The following LOC122455342 variants were observed in gnomAD, a reference collection of about 807,000 sequenced individuals.
At chr17:76,568,962 G>A in the LOC122455342 span, 281 of 625,630 alleles carry the variant, frequency 4.5e-4, 2 homozygotes, top group African/African-American at 4.5e-3. Context: ...CAGGCAGTAC[G>A]TTGGGGACCA....
At chr17:76,568,899 GC>G in the LOC122455342 span, 1 of 1,069,064 alleles carries the variant, frequency 9.4e-7, no homozygotes, top group Non-Finnish European at 1.4e-6. Context: ...GGTACCCTGA[GC>G]GGTAGGAGCG....
chr17:76,568,826 G>C, the LOC122455342 span: 1 of 1,609,170 alleles, frequency 6.2e-7, no homozygotes, highest in Non-Finnish European at 8.5e-7. Flanking sequence ...TGGACAGAGC[G>C]CCCAGAGCCG....
the LOC122455342 span, chr17:76,569,016 GGA>G: frequency 1.6e-5 from 7 of 435,844 alleles, no homozygotes; most frequent in South Asian, 1.0e-4. Flanking sequence ...GCGGGGTGTA[GGA>G]GAGAGAGGAG....
At chr17:76,569,195 T>C in the LOC122455342 span, 1 of 91,964 alleles carries the variant, frequency 1.1e-5, no homozygotes, top group Admixed American at 2.6e-4. Context: ...AGTGGTGCTG[T>C]GGGGGGCTGG....
At chr17:76,568,850 G>A in the LOC122455342 span, 10 of 1,575,210 alleles carry the variant, frequency 6.3e-6, no homozygotes, top group South Asian at 4.4e-5. Context: ...TATTGCAAGG[G>A]GGAGATGGAG....
the LOC122455342 span, chr17:76,568,841 A>T: frequency 1.3e-6 from 2 of 1,596,150 alleles, no homozygotes; most frequent in Non-Finnish European, 8.6e-7. Context: ...GAGCCGTCGT[A>T]TTGCAAGGGG....
chr17:76,568,877 C>G, the LOC122455342 span: 1 of 1,384,964 alleles, frequency 7.2e-7, no homozygotes, highest in Non-Finnish European at 1.0e-6. Context: ...GTCAGGGCGC[C>G]GGAGTAGCCG....
the LOC122455342 span, chr17:76,568,924 T>A: frequency 1.2e-6 from 1 of 805,778 alleles, no homozygotes; most frequent in Non-Finnish European, 2.0e-6. Context: ...CTGGGAGTAG[T>A]AGCGGGAGAA....
the LOC122455342 span, chr17:76,569,487 A>AT: frequency 2.1e-5 from 1 of 47,882 alleles, no homozygotes; most frequent in African/African-American, 1.2e-4. Context: ...GCTGTGAGGC[A>AT]TTTGGGGTGG....
the LOC122455342 span, chr17:76,568,918 G>A: frequency 1.2e-6 from 1 of 858,538 alleles, no homozygotes; most frequent in Non-Finnish European, 1.9e-6. Context: ...GCGGGGCTGG[G>A]AGTAGTAGCG....
chr17:76,569,324 G>A, the LOC122455342 span: 36 of 144,584 alleles, frequency 2.5e-4, no homozygotes, highest in African/African-American at 8.5e-4. Flanking sequence ...GACTTGGGGG[G>A]CACAGCGGGG....
the LOC122455342 span, chr17:76,569,282 A>G: frequency 8.3e-6 from 2 of 241,242 alleles, no homozygotes; most frequent in Non-Finnish European, 1.4e-5. Flanking sequence ...GGCCCGATAT[A>G]GGAAGATGAG....
chr17:76,568,935 G>C, the LOC122455342 span: 1 of 735,814 alleles, frequency 1.4e-6, no homozygotes. Flanking sequence ...AGCGGGAGAA[G>C]GGGGTGTAGA....
the LOC122455342 span, chr17:76,568,797 C>G: frequency 6.8e-6 from 11 of 1,612,900 alleles, no homozygotes; most frequent in Non-Finnish European, 7.6e-6. Flanking sequence ...GGCGTGCGGC[C>G]TAGGACCCAT....
At chr17:76,568,987 C>T in the LOC122455342 span, 1 of 589,120 alleles carries the variant, frequency 1.7e-6, no homozygotes, top group Non-Finnish European at 3.0e-6. Flanking sequence ...CGGCTTCCCG[C>T]TCACCAGGAC....
the LOC122455342 span, chr17:76,569,273 G>C: frequency 9.7e-6 from 3 of 309,526 alleles, no homozygotes; most frequent in African/African-American, 7.5e-5. Context: ...TTCTGAATTG[G>C]CCCGATATAG....
the LOC122455342 span, chr17:76,568,916 G>C: frequency 1.1e-6 from 1 of 878,816 alleles, no homozygotes; most frequent in East Asian, 2.6e-5. Context: ...GAGCGGGGCT[G>C]GGAGTAGTAG....
the LOC122455342 span, chr17:76,569,011 G>C: frequency 1.9e-6 from 1 of 517,436 alleles, no homozygotes; most frequent in Non-Finnish European, 3.4e-6. Flanking sequence ...CACGGGCGGG[G>C]TGTAGGAGAG....
At chr17:76,569,475 GGGCTGTGA>G in the LOC122455342 span, 1 of 376,516 alleles carries the variant, frequency 2.7e-6, no homozygotes. Context: ...TCCGGGAAGA[GGGCTGTGA>G]GGCATTTGGG....
Sources: allele counts gnomAD v4.1 joint callset, GRCh38; gene constraint gnomAD v4.1.1; transcripts MANE v1.5.